ZNF766: variants seen among roughly 807,000 people sequenced by gnomAD.
ZNF766 encodes zinc finger protein 766.
ZNF766 carries 13 observed loss-of-function variants against 13.2 expected under a neutral mutation model. That is an observed-to-expected ratio of 0.98 (90% confidence interval 0.64 to 1.56). ZNF766 has a LOEUF of 1.56. Among genes scored for constraint, ZNF766 ranks in the 40% most tolerant of loss-of-function variants. The probability of loss-of-function intolerance (pLI) is 0.00; values close to 1 mark genes in which losing one functional copy is unlikely to be tolerated. For missense variants in ZNF766, 521 were observed against 552.2 expected, an observed-to-expected ratio of 0.94 and a Z score of 0.57; for synonymous variants, 178 against 187.6, an observed-to-expected ratio of 0.95 and a Z score of 0.42.
At chr19:52,272,358 A>G (rs1170129861) in intron 1 of ZNF766, among the ~76,000 whole-genome samples, 4 of 152,068 alleles carry the variant, frequency 2.6e-5, no homozygotes, top group African/African-American at 4.8e-5. Flanking sequence ...AGACATCTCT[A>G]AGTTTAATTA....
chr19:52,277,420 C>T (rs1419656653), intron 1 of ZNF766: 25 of 1,474,068 alleles, frequency 1.7e-5, no homozygotes, highest in East Asian at 4.9e-5. Flanking sequence ...GATCGGGCCA[C>T]GGCACTCCAG....
intron 1 of ZNF766, among the ~76,000 whole-genome samples, chr19:52,273,261 G>A (rs1399919247): frequency 2.0e-5 from 3 of 152,176 alleles, no homozygotes; most frequent in Non-Finnish European, 4.4e-5. Flanking sequence ...GCCCGCCTTG[G>A]CCTCCCAAAG....
At chr19:52,272,942 G>A (rs1402283914) in intron 1 of ZNF766, among the ~76,000 whole-genome samples, 1 of 152,182 alleles carries the variant, frequency 6.6e-6, no homozygotes, top group Admixed American at 6.5e-5. Context: ...GGGTGACCCT[G>A]TACTTCCTGG....
chr19:52,279,361 T>G (rs931312554), intron 1 of ZNF766, among the ~76,000 whole-genome samples: 1 of 152,354 alleles, frequency 6.6e-6, no homozygotes, highest in South Asian at 2.1e-4. Flanking sequence ...ATTTAGGCTC[T>G]TTTTTGATTG....
chr19:52,270,288 CAG>C (rs1980919805), intron 1 of ZNF766, among the ~76,000 whole-genome samples: 3 of 151,936 alleles, frequency 2.0e-5, no homozygotes, highest in African/African-American at 2.4e-5. Flanking sequence ...GTAGAGGAAA[CAG>C]AAAAATTTAG....
In ZNF766 at chr19:52,292,322, GTCA is replaced by G. The variant is rs1760232113; in HGVS notation, c.*1129_*1131del. 1 of 630,340 alleles carries G rather than the reference GTCA, an allele frequency of 1.6e-6. No homozygotes were observed. Among genetic ancestry groups the G allele is most frequent in the Non-Finnish European group, 2.8e-6 (1 of 352,488 alleles). The allele number at this position is 630,340 out of a possible 1,614,324, so 39.0% of individuals were successfully genotyped here. A position where few individuals can be genotyped will look rare whatever the true frequency, so the allele number is the denominator to read the frequency against. On this transcript the variant is annotated 3_prime_UTR_variant, in exon 4 of 4. Transcript: ENST00000439461. The stretch of plus-strand genomic sequence containing the variant: ...AGAGAATAACAAAACCGTGATGGCA[GTCA>G]TCATGCTTATTGCAGTTAGCACACA...
chr19:52,279,978 C>T (rs958444716), intron 1 of ZNF766, among the ~76,000 whole-genome samples: 4 of 151,386 alleles, frequency 2.6e-5, no homozygotes, highest in Non-Finnish European at 5.9e-5. Context: ...GCATTTTTAG[C>T]AGAGACGGGG....
intron 3 of ZNF766, among the ~76,000 whole-genome samples, chr19:52,283,825 C>T (rs1409067414): frequency 2.6e-5 from 4 of 152,202 alleles, no homozygotes; most frequent in African/African-American, 9.7e-5. Context: ...GCAACCTCCG[C>T]CTCCCGGGTA....
chr19:52,280,804 T>G (rs2122475486), intron 1 of ZNF766, among the ~76,000 whole-genome samples: 3 of 151,372 alleles, frequency 2.0e-5, no homozygotes, highest in African/African-American at 7.2e-5. Context: ...ATGGTCTTGG[T>G]CTCCTGACCC....
At chr19:52,289,464 G>A (rs569780289) in intron 3 of ZNF766, among the ~76,000 whole-genome samples, 1 of 152,046 alleles carries the variant, frequency 6.6e-6, no homozygotes, top group Admixed American at 6.6e-5. Context: ...GCTCATAAGT[G>A]TCTTATTTTC....
At chr19:52,271,811 T>C (rs574775149) in intron 1 of ZNF766, among the ~76,000 whole-genome samples, 6 of 151,876 alleles carry the variant, frequency 4.0e-5, no homozygotes, top group Non-Finnish European at 7.4e-5. Flanking sequence ...AATACAAAAA[T>C]TAGCTGGGTG....
intron 2 of ZNF766, among the ~76,000 whole-genome samples, chr19:52,282,794 A>C (rs1375630274): frequency 1.3e-5 from 2 of 152,136 alleles, no homozygotes; most frequent in Non-Finnish European, 2.9e-5. Flanking sequence ...CAAACTTTTA[A>C]AATATCCAGT....
In ZNF766 at chr19:52,283,352, G is replaced by A. The variant is rs774450302; in HGVS notation, c.213G>A (p.Glu71=). 1.9e-6 allele frequency: 3 copies of A among 1,612,652 alleles called. No individual in the cohort carries two copies. The highest frequency in any genetic ancestry group is 2.2e-5 in the East Asian group (1 of 44,846). The change falls in exon 3 of 4, where the codon GAG becomes GAA. Residue 71 remains glutamate, a synonymous_variant. Coordinates refer to ENST00000439461, the MANE Select transcript of ZNF766 (RefSeq NM_001010851.3). ...MKQRTEPWTV[E]NEMKVAKNPD... is the part of the protein sequence containing the mutation. ...AAAGGACAGAGCCCTGGACTGTGGA[G>A]AATGAAATGAAAGTAGCAAAAAATC... is the stretch of plus-strand genomic sequence containing the variant.
intron 1 of ZNF766, among the ~76,000 whole-genome samples, chr19:52,276,687 G>GT (rs1981217937): frequency 6.6e-6 from 1 of 152,160 alleles, no homozygotes; most frequent in African/African-American, 2.4e-5. Flanking sequence ...AGTAAATAGG[G>GT]TTCAGTACTG....
chr19:52,283,075 G>A (rs1451500764), intron 2 of ZNF766, among the ~76,000 whole-genome samples: 1 of 152,096 alleles, frequency 6.6e-6, no homozygotes, highest in Non-Finnish European at 1.5e-5. Flanking sequence ...TCTTCCACAT[G>A]GTTGAACTAA....
intron 1 of ZNF766, 179 bp from the exon 2 acceptor site, chr19:52,281,932 A>C (rs1981544613): frequency 1.1e-5 from 8 of 722,956 alleles, no homozygotes; most frequent in Non-Finnish European, 1.9e-5. Context: ...TTTTTATGGA[A>C]AAGTATAATA....
chr19:52,280,354 G>T (rs747390715), intron 1 of ZNF766, among the ~76,000 whole-genome samples: 1 of 151,980 alleles, frequency 6.6e-6, no homozygotes, highest in Non-Finnish European at 1.5e-5. Context: ...GCAAGACCCA[G>T]TCTCTAAGAA....
Position 52,294,412 on chromosome 19 carries a change from GATGCCATTCACTA to G in ZNF766, c.*3218_*3230del, listed in dbSNP as rs1485046355. 1.3e-5 allele frequency: 2 copies of G among 152,188 alleles called. No individual in the cohort carries two copies. Among genetic ancestry groups the G allele is most frequent in the African/African-American group, 4.8e-5 (2 of 41,424 alleles). 9.4% of individuals were successfully genotyped at this position (152,188 alleles called of 1,614,324 possible). A position where few individuals can be genotyped will look rare whatever the true frequency, so the allele number is the denominator to read the frequency against. ...GTTTGGTTTGGGTATTGAGAATGAT[GATGCCATTCACTA>G]ATGTGATCTCAAAATGTTTACTCCA... On this transcript the variant is annotated 3_prime_UTR_variant, in exon 4 of 4. Transcript: ENST00000439461.
intron 1 of ZNF766, among the ~76,000 whole-genome samples, chr19:52,278,496 C>T (rs1327198669): frequency 3.3e-5 from 5 of 151,992 alleles, no homozygotes; most frequent in African/African-American, 9.7e-5. Flanking sequence ...CTCTGCCTCC[C>T]GGGTTCAAGC....
Sources: allele counts gnomAD v4.1 joint callset (sites outside exome capture counted in the v4.1 genomes callset), GRCh38; gene constraint gnomAD v4.1.1; transcripts MANE v1.5; gene names NCBI Gene and HGNC (gene_info 2026-07-23, HGNC 2026-07-21).